GLMN: variants seen among roughly 807,000 people sequenced by gnomAD.
GLMN encodes the protein glomulin, FKBP associated protein, also known as glomulin.
In GLMN, 75 loss-of-function variants were observed where a neutral mutation model predicts 87.8. The observed-to-expected ratio is 0.85, with a 90% confidence interval of 0.71 to 1.04. The LOEUF (loss-of-function observed/expected upper bound fraction) is 1.04. GLMN is among the 50% of genes least tolerant of loss of function. The pLI, the probability that GLMN is intolerant of heterozygous loss-of-function variation, is 0.00. For synonymous variants in GLMN, 206 were observed against 221.6 expected (o/e 0.93, Z 0.63); for missense variants, 588 against 658.8 (o/e 0.89, Z 1.18).
the GLMN span, chr1:92,323,492 C>G: frequency 6.2e-7 from 1 of 1,613,082 alleles, no homozygotes; most frequent in Non-Finnish European, 8.5e-7. Flanking sequence ...GCCATTAAAA[C>G]ATCAGATATC....
At chr1:92,285,385 G>C (rs1329118944) in intron 7 of GLMN, among the ~76,000 whole-genome samples, 3 of 151,988 alleles carry the variant, frequency 2.0e-5, no homozygotes, top group African/African-American at 7.2e-5. Flanking sequence ...AACACCGCAG[G>C]TTCTTACTCA....
At chr1:92,258,502 C>T (rs1654561679) in intron 16 of GLMN, among the ~76,000 whole-genome samples, 2 of 152,116 alleles carry the variant, frequency 1.3e-5, no homozygotes, top group Admixed American at 1.3e-4. Flanking sequence ...TGGAACCAAC[C>T]CAAATGCCCA....
chr1:92,266,352 A>G (rs1438128060), intron 13 of GLMN, 67 bp downstream of exon 13: 4 of 848,960 alleles, frequency 4.7e-6, no homozygotes, highest in Non-Finnish European at 8.2e-6. Context: ...CCCTAAAACA[A>G]TTACATGGCA....
chr1:92,274,243 C>T (rs987424579), intron 7 of GLMN, among the ~76,000 whole-genome samples: 4 of 152,170 alleles, frequency 2.6e-5, no homozygotes, highest in African/African-American at 9.7e-5. Flanking sequence ...GATGCTTGTT[C>T]TGCCTCACTG....
intron 7 of GLMN, among the ~76,000 whole-genome samples, chr1:92,277,673 A>T (rs534279844): frequency 6.6e-6 from 1 of 152,338 alleles, no homozygotes; most frequent in African/African-American, 2.4e-5. Flanking sequence ...AAATGATTGG[A>T]TTCAGAAAGC....
chr1:92,246,433 CA>C lies in GLMN; in HGVS notation c.*96del. 1.5e-6 allele frequency: 1 copy of C among 665,120 alleles called. No individual in the cohort carries two copies. The highest frequency in any genetic ancestry group is 2.7e-6 in the Non-Finnish European group (1 of 369,790). The allele number at this position is 665,120 out of a possible 1,614,324, so 41.2% of individuals were successfully genotyped here. A position where few individuals can be genotyped will look rare whatever the true frequency, so the allele number is the denominator to read the frequency against. On this transcript the variant is annotated 3_prime_UTR_variant, in exon 19 of 19. Coordinates refer to ENST00000370360, the MANE Select transcript of GLMN (RefSeq NM_053274.3). ...AGAAAAGCTACATTTATTTTTCAAG[CA>C]GTAAATTTTTACAGAAAAATTTTTT...
At chr1:92,363,652 C>T in the GLMN span, 2 of 265,470 alleles carry the variant, frequency 7.5e-6, no homozygotes, top group Admixed American at 8.9e-5. Flanking sequence ...ATTTTTCCAC[C>T]TCTGCCACAC....
chr1:92,269,785 GAAACA>G lies in GLMN; in HGVS notation c.924-14_924-10del. 6.4e-7 allele frequency: 1 copy of G among 1,557,632 alleles called. No homozygotes were observed. Among genetic ancestry groups the G allele is most frequent in the Non-Finnish European group, 8.9e-7 (1 of 1,128,848 alleles). ...GCAAAAGGTACAATGGGCTAAAATA[GAAACA>G]AAACAAATATATATATTATACACAC... is the stretch of plus-strand genomic sequence containing the variant. On this transcript the variant is annotated splice_polypyrimidine_tract_variant and intron_variant, in intron 8 of 18. Coordinates refer to ENST00000370360, the MANE Select transcript of GLMN (RefSeq NM_053274.3).
chr1:92,323,432 TTTCA>T, the GLMN span: 1 of 1,523,794 alleles, frequency 6.6e-7, no homozygotes. Flanking sequence ...TTTATTTCTC[TTTCA>T]TTCTACAGTG....
Position 92,276,039 on chromosome 1 carries a change from T to C in GLMN, c.736-4387A>G, listed in dbSNP as rs190159522. On this transcript the variant is annotated intron_variant, in intron 7 of 18. Transcript: ENST00000370360. The stretch of plus-strand genomic sequence containing the variant: ...GAGTTCAAGACCAGTCTGTACAACA[T>C]AGTGAGACTTCACCTTTACAAAACA... 3.2e-3 allele frequency among the ~76,000 whole-genome samples: 491 copies of C among 152,090 alleles called. 1 individual carries two copies. The highest frequency in any genetic ancestry group is 5.5e-3 in the Non-Finnish European group (374 of 67,986).
intron 1 of GLMN, 47 bp downstream of exon 1, chr1:92,298,878 C>A (rs1296682996): frequency 4.9e-6 from 2 of 405,872 alleles, no homozygotes. Flanking sequence ...GGCTCACGGC[C>A]AACCGCGAGC....
At chr1:92,261,068 T>A (rs1654990722) in intron 16 of GLMN, among the ~76,000 whole-genome samples, 1 of 152,098 alleles carries the variant, frequency 6.6e-6, no homozygotes, top group Admixed American at 6.5e-5. Flanking sequence ...ACTAAAAAAA[T>A]AAAAACTCAT....
Position 92,261,691 on chromosome 1 carries a change from T to C in GLMN, c.1473+1172A>G, listed in dbSNP as rs144847738. On this transcript the variant is annotated intron_variant, in intron 16 of 18. Transcript: ENST00000370360. ...CACTTAAAATTTGAACATTTCATTA[T>C]GTAAATTTTACTTCAAAGAAAAACT... Among the ~76,000 whole-genome samples, 12 of 152,358 alleles carry C rather than the reference T, an allele frequency of 7.9e-5. No individual in the cohort carries two copies. The East Asian group carries it at 2.3e-3, about 29-fold the overall frequency.
the GLMN span, among the ~76,000 whole-genome samples, chr1:92,351,111 A>G: frequency 6.6e-6 from 1 of 151,996 alleles, no homozygotes; most frequent in Non-Finnish European, 1.5e-5. Flanking sequence ...GATTAAGACC[A>G]TCCTGGCCAA....
At chr1:92,339,209 G>T in the GLMN span, among the ~76,000 whole-genome samples, 1 of 152,066 alleles carries the variant, frequency 6.6e-6, no homozygotes, top group Non-Finnish European at 1.5e-5. Context: ...GGAAAAAAAT[G>T]TTAGGCTACC....
At chr1:92,370,559 T>G in the GLMN span, among the ~76,000 whole-genome samples, 1 of 152,198 alleles carries the variant, frequency 6.6e-6, no homozygotes. Context: ...AATTTAAGGT[T>G]TATTAACTGT....
chr1:92,355,544 T>TC, the GLMN span, among the ~76,000 whole-genome samples: 1 of 152,212 alleles, frequency 6.6e-6, no homozygotes, highest in East Asian at 1.9e-4. Flanking sequence ...TTGTTAGGTA[T>TC]CTCCATCATA....
chr1:92,302,524 T>G (rs970100833), upstream of GLMN, among the ~76,000 whole-genome samples: 1 of 150,108 alleles, frequency 6.7e-6, no homozygotes, highest in Non-Finnish European at 1.5e-5. Flanking sequence ...TTTTCTTATT[T>G]CAAAAACCTG....
chr1:92,322,982 TA>T, the GLMN span, among the ~76,000 whole-genome samples: 36 of 146,866 alleles, frequency 2.5e-4, no homozygotes, highest in African/African-American at 8.6e-4. Flanking sequence ...AAGTATATAT[TA>T]TATATGTAAA....
Sources: allele counts gnomAD v4.1 joint callset (sites outside exome capture counted in the v4.1 genomes callset), GRCh38; gene constraint gnomAD v4.1.1; transcripts MANE v1.5; gene names NCBI Gene and HGNC (gene_info 2026-07-23, HGNC 2026-07-21).